CENPW: variants seen among roughly 807,000 people sequenced by gnomAD.
CENPW encodes the protein cancer-up-regulated gene 2 protein.
A neutral mutation model predicts 11.1 loss-of-function variants in CENPW; 3 were observed. That is an observed-to-expected ratio of 0.27 (90% CI 0.12 to 0.70). The LOEUF (loss-of-function observed/expected upper bound fraction) is 0.70. Ranked by LOEUF, CENPW falls within the 30% of genes least tolerant of loss-of-function variation. The pLI, the probability that CENPW is intolerant of heterozygous loss-of-function variation, is 0.77. For synonymous variants in CENPW, 38 were observed against 42.0 expected (o/e 0.91, Z 0.37); for missense variants, 100 against 105.6 (o/e 0.95, Z 0.23).
chr6:126,474,242 A>G, the CENPW span, among the ~76,000 whole-genome samples: 1 of 151,990 alleles, frequency 6.6e-6, no homozygotes, highest in East Asian at 1.9e-4. Context: ...CATTTCCATT[A>G]CTTTTATTCA....
the CENPW span, among the ~76,000 whole-genome samples, chr6:126,369,877 A>G: frequency 6.6e-5 from 10 of 152,278 alleles, no homozygotes; most frequent in African/African-American, 2.4e-4. Flanking sequence ...GGTTTTTCCA[A>G]TGTTATCTTC....
At chr6:126,457,944 A>G in the CENPW span, among the ~76,000 whole-genome samples, 3 of 151,450 alleles carry the variant, frequency 2.0e-5, no homozygotes, top group African/African-American at 4.8e-5. Flanking sequence ...AACTTCATGC[A>G]TGGGACTCTC....
the CENPW span, among the ~76,000 whole-genome samples, chr6:126,444,215 T>C: frequency 2.0e-5 from 3 of 150,988 alleles, no homozygotes; most frequent in Non-Finnish European, 3.0e-5. Context: ...TCTGTACATA[T>C]GTAGCTTAAA....
At chr6:126,402,367 T>C in the CENPW span, among the ~76,000 whole-genome samples, 2 of 151,796 alleles carry the variant, frequency 1.3e-5, no homozygotes, top group Non-Finnish European at 2.9e-5. Flanking sequence ...CTTTCTTCCT[T>C]CCATCACAGA....
the CENPW span, among the ~76,000 whole-genome samples, chr6:126,480,418 C>G: frequency 6.6e-6 from 1 of 151,894 alleles, no homozygotes; most frequent in Non-Finnish European, 1.5e-5. Flanking sequence ...GGACAAATTA[C>G]CTGATATCTT....
chr6:126,340,129 G>A lies in CENPW; in HGVS notation c.-145G>A. The A allele has an allele frequency of 1.3e-6, 1 of 768,294 alleles. No individual in the cohort carries two copies. The highest frequency in any genetic ancestry group is 2.2e-6 in the Non-Finnish European group (1 of 463,118). The allele number at this position is 768,294 out of a possible 1,614,324, so 47.6% of individuals were successfully genotyped here. On this transcript the variant is annotated 5_prime_UTR_variant, in exon 1 of 3. Coordinates refer to ENST00000368328, the MANE Select transcript of CENPW (RefSeq NM_001012507.4). ...GCGCCGGGCGCGTTCCGTTGGCGGC[G>A]GATTCGAACGTTCGGACTGAGGTTT...
At chr6:126,346,380 C>A in intron 2 of CENPW, 62 bp downstream of exon 2, 1 of 945,560 alleles carries the variant, frequency 1.1e-6, no homozygotes, top group Non-Finnish European at 1.7e-6. Flanking sequence ...CTCGGTTCAT[C>A]ACCTCTCCCT....
chr6:126,477,461 T>G, the CENPW span, among the ~76,000 whole-genome samples: 1 of 151,974 alleles, frequency 6.6e-6, no homozygotes, highest in Non-Finnish European at 1.5e-5. Context: ...AGAAAATGTA[T>G]AATAGCTCGT....
chr6:126,379,964 T>C, the CENPW span, among the ~76,000 whole-genome samples: 1 of 152,220 alleles, frequency 6.6e-6, no homozygotes, highest in Non-Finnish European at 1.5e-5. Flanking sequence ...TGAATTTAAA[T>C]ATTTCAATCA....
the CENPW span, among the ~76,000 whole-genome samples, chr6:126,404,957 C>G: frequency 6.7e-6 from 1 of 149,540 alleles, no homozygotes; most frequent in South Asian, 2.1e-4. Context: ...TGCAGGTTGT[C>G]TTTTCACTCT....
chr6:126,439,804 G>A, the CENPW span, among the ~76,000 whole-genome samples: 7 of 151,432 alleles, frequency 4.6e-5, no homozygotes, highest in African/African-American at 1.7e-4. Flanking sequence ...CAAGATCATG[G>A]TATTCCCCTG....
At chr6:126,359,238 T>C in the CENPW span, among the ~76,000 whole-genome samples, 4 of 152,108 alleles carry the variant, frequency 2.6e-5, no homozygotes, top group African/African-American at 4.8e-5. Flanking sequence ...TTTCAAGATA[T>C]CTTGATATTG....
the CENPW span, among the ~76,000 whole-genome samples, chr6:126,398,115 C>A: frequency 2.0e-5 from 3 of 152,166 alleles, no homozygotes; most frequent in Non-Finnish European, 2.9e-5. Context: ...CTACCAATAG[C>A]ACCTCTTTTT....
At chr6:126,404,899 T>C in the CENPW span, among the ~76,000 whole-genome samples, 1 of 151,814 alleles carries the variant, frequency 6.6e-6, no homozygotes. Flanking sequence ...CTTGTTTGAA[T>C]TTTAATCTTT....
chr6:126,356,361 GT>G, the CENPW span, among the ~76,000 whole-genome samples: 3 of 152,138 alleles, frequency 2.0e-5, no homozygotes, highest in Non-Finnish European at 2.9e-5. Flanking sequence ...TCAGGATAAG[GT>G]TTTTCTTTGG....
the CENPW span, among the ~76,000 whole-genome samples, chr6:126,449,165 A>G: frequency 6.6e-6 from 1 of 151,238 alleles, no homozygotes; most frequent in African/African-American, 2.4e-5. Context: ...TTTCTTAAAA[A>G]CAGAAATGAG....
chr6:126,345,959 A>C (rs1301181470), intron 1 of CENPW, among the ~76,000 whole-genome samples: 1 of 152,192 alleles, frequency 6.6e-6, no homozygotes, highest in Non-Finnish European at 1.5e-5. Flanking sequence ...GATGCTTTAC[A>C]AAATGGCCTT....
At chr6:126,463,037 T>C in the CENPW span, among the ~76,000 whole-genome samples, 74 of 152,206 alleles carry the variant, frequency 4.9e-4, 1 homozygote, top group Admixed American at 4.1e-3. Flanking sequence ...TAGCATAAGA[T>C]AGTGAAAAGA....
At chr6:126,401,614 GC>G in the CENPW span, among the ~76,000 whole-genome samples, 2 of 151,686 alleles carry the variant, frequency 1.3e-5, no homozygotes, top group African/African-American at 4.8e-5. Flanking sequence ...TTAAACCTGT[GC>G]CTTGAGGGTT....
Sources: allele counts gnomAD v4.1 joint callset (sites outside exome capture counted in the v4.1 genomes callset), GRCh38; gene constraint gnomAD v4.1.1; transcripts MANE v1.5; gene names NCBI Gene and HGNC (gene_info 2026-07-23, HGNC 2026-07-21).